The following SLC24A1 variants were observed in gnomAD, a reference collection of about 807,000 sequenced individuals.
SLC24A1 encodes solute carrier family 24 member 1, also known as sodium/potassium/calcium exchanger 1.
Under a neutral mutation model 88.1 loss-of-function variants are expected in SLC24A1, and 52 were observed. The observed-to-expected ratio is 0.59, with a 90% CI of 0.47 to 0.74. The LOEUF (loss-of-function observed/expected upper bound fraction) is 0.74. SLC24A1 is among the 30% of genes least tolerant of loss of function. The probability of loss-of-function intolerance (pLI) is 0.00; values close to 1 mark genes in which losing one functional copy is unlikely to be tolerated. For missense variants in SLC24A1, 1,173 were observed against 1,363.3 expected (o/e 0.86, Z 2.20); for synonymous variants, 455 against 498.0 (o/e 0.91, Z 1.15).
rs1180718022 is a variant in SLC24A1, at chr15:65,656,050, G to A, written c.*1971G>A. 2.0e-6 allele frequency: 2 copies of A among 985,290 alleles called. No individual in the cohort carries two copies. Among genetic ancestry groups the A allele is most frequent in the East Asian group, 1.1e-4 (1 of 8,820 alleles). The allele number at this position is 985,290 out of a possible 1,614,324, so 61.0% of individuals were successfully genotyped here. ...AGAACAGGAGGAGAAGGCAATGCTT[G>A]TGGGAGGGAGGTCCCAATACCAAAA... On this transcript the variant is annotated 3_prime_UTR_variant, in exon 10 of 10. Transcript: ENST00000261892.
Position 65,654,471 on chromosome 15 carries a change from G to A in SLC24A1, c.*392G>A. The A allele has an allele frequency of 1.7e-6, 2 of 1,159,482 alleles. No homozygotes were observed. Among genetic ancestry groups the A allele is most frequent in the Non-Finnish European group, 2.1e-6 (2 of 932,762 alleles). 71.8% of individuals were successfully genotyped at this position (1,159,482 alleles called of 1,614,324 possible). On this transcript the variant is annotated 3_prime_UTR_variant, in exon 10 of 10. Coordinates refer to ENST00000261892, the MANE Select transcript of SLC24A1 (RefSeq NM_004727.3). ...CATTCCAAAGGCTGCTGGCCCAAAA[G>A]ATGCAGATGTGGTCTACATCTCAGC...
At chr15:65,648,126 G>A (rs541272326) in intron 6 of SLC24A1, among the ~76,000 whole-genome samples, 2 of 152,292 alleles carry the variant, frequency 1.3e-5, no homozygotes, top group South Asian at 4.1e-4. Context: ...CAGGTGTGGT[G>A]GCACATGCCT....
upstream of SLC24A1, among the ~76,000 whole-genome samples, chr15:65,617,413 G>C (rs2074182393): frequency 6.6e-6 from 1 of 152,174 alleles, no homozygotes. Flanking sequence ...TTGAGCAGTG[G>C]TTTGTAGTTC....
upstream of SLC24A1, among the ~76,000 whole-genome samples, chr15:65,621,321 G>A (rs916583508): frequency 2.6e-5 from 4 of 152,192 alleles, no homozygotes; most frequent in African/African-American, 4.8e-5. Context: ...GGCTGGAGGC[G>A]CGGGGGGCTC....
chr15:65,620,804 T>C (rs1455605593), upstream of SLC24A1, among the ~76,000 whole-genome samples: 2 of 152,278 alleles, frequency 1.3e-5, no homozygotes, highest in African/African-American at 4.8e-5. Context: ...TTTTACTTTG[T>C]GAATTATATT....
At position 65,646,946 on chromosome 15, in the gene SLC24A1, G is replaced by C. The variant is rs140255738; in HGVS notation, c.2232+1243G>C. On this transcript the variant is annotated intron_variant, in intron 6 of 9. Transcript: ENST00000261892. ...ATTCCCTGGAATCCCAGGGCAGGAA[G>C]TGAAGCTTGATCTCATGAAGAGCTG... is the stretch of plus-strand genomic sequence containing the variant. Among the ~76,000 whole-genome samples the C allele has an allele frequency of 1.9e-4, 29 of 152,330 alleles. No individual in the cohort carries two copies. The East Asian group carries it at 4.6e-3, about 24-fold the overall frequency.
chr15:65,642,344 C>T (rs1328806672), intron 4 of SLC24A1, among the ~76,000 whole-genome samples: 1 of 152,190 alleles, frequency 6.6e-6, no homozygotes, highest in East Asian at 1.9e-4. Context: ...TTATCCTCTC[C>T]AGGGTCCCAT....
At chr15:65,657,453 A>G (rs557600829), downstream of SLC24A1, among the ~76,000 whole-genome samples, 42 of 152,216 alleles carry the variant, frequency 2.8e-4, no homozygotes, top group Admixed American at 2.5e-3. Context: ...CATCCTGGCT[A>G]ACACGGTGAA....
rs529633085 is a variant in SLC24A1, at chr15:65,623,313, A to G, written c.-126-642A>G. On this transcript the variant is annotated intron_variant, in intron 1 of 9. Transcript: ENST00000261892. ...TGAGGCACCAAGGCTCAGCCTGTCC[A>G]GGATGACACAGCTGGTAAGCAGCAG... Among the ~76,000 whole-genome samples, 3 of 152,284 alleles carry G rather than the reference A, an allele frequency of 2.0e-5. No individual in the cohort carries two copies. In the South Asian group the frequency reaches 6.2e-4, roughly 32 times the overall value.
intron 2 of SLC24A1, among the ~76,000 whole-genome samples, chr15:65,627,150 T>C (rs2074547354): frequency 6.6e-6 from 1 of 152,182 alleles, no homozygotes. Context: ...TTAGATAACA[T>C]GTTGTTCTGG....
intron 2 of SLC24A1, among the ~76,000 whole-genome samples, chr15:65,629,961 A>C (rs1392658061): frequency 6.6e-6 from 1 of 152,070 alleles, no homozygotes; most frequent in Admixed American, 6.6e-5. Context: ...TTCATCCTGG[A>C]AGGACTTTTT....
At chr15:65,637,119 A>AT (rs901077236) in intron 2 of SLC24A1, among the ~76,000 whole-genome samples, 1 of 152,090 alleles carries the variant, frequency 6.6e-6, no homozygotes, top group Non-Finnish European at 1.5e-5. Context: ...TTAAAAAAAA[A>AT]GTTCAAATGA....
chr15:65,646,159 G>A (rs1047090775), intron 6 of SLC24A1, among the ~76,000 whole-genome samples: 3 of 152,178 alleles, frequency 2.0e-5, no homozygotes, highest in Admixed American at 2.0e-4. Flanking sequence ...ATACTGCCCC[G>A]TCTTTACAGC....
chr15:65,643,197 T>C (rs2075189566), intron 4 of SLC24A1, among the ~76,000 whole-genome samples: 1 of 152,218 alleles, frequency 6.6e-6, no homozygotes, highest in African/African-American at 2.4e-5. Flanking sequence ...TACAGAGAGC[T>C]TAAGGAATCA....
At position 65,655,000 on chromosome 15, in the gene SLC24A1, AT is replaced by A; in HGVS notation, c.*924del. On this transcript the variant is annotated 3_prime_UTR_variant, in exon 10 of 10. Coordinates refer to ENST00000261892, the MANE Select transcript of SLC24A1 (RefSeq NM_004727.3). Reference sequence around the variant, plus strand: ...GCAGCCTGAAAAATAAAAATTTATAATTTGCCCTTGAATTGGAAGGAATGGA... The same window carrying A: ...GCAGCCTGAAAAATAAAAATTTATAATTGCCCTTGAATTGGAAGGAATGGA... The A allele has an allele frequency of 9.6e-7, 1 of 1,037,302 alleles. No individual in the cohort carries two copies. Among genetic ancestry groups the A allele is most frequent in the Non-Finnish European group, 1.2e-6 (1 of 859,958 alleles). 64.3% of individuals were successfully genotyped at this position (1,037,302 alleles called of 1,614,324 possible). A position where few individuals can be genotyped will look rare whatever the true frequency, so the allele number is the denominator to read the frequency against.
exon 1 of SLC24A1, chr15:65,611,406 T>C (rs1199363372): frequency 3.4e-6 from 2 of 581,182 alleles, no homozygotes; most frequent in Non-Finnish European, 6.2e-6. Flanking sequence ...TCTCTCTGCA[T>C]TGCCCTGAAT....
chr15:65,648,293 T>C (rs118142700), intron 6 of SLC24A1, among the ~76,000 whole-genome samples: 2,878 of 152,174 alleles, frequency 0.019, 35 homozygotes, highest in Non-Finnish European at 0.027. Flanking sequence ...GTGATTTTAA[T>C]GTGCAGCACA....
intron 3 of SLC24A1, 47 bp from the exon 4 acceptor site, chr15:65,639,548 C>T: frequency 2.4e-6 from 3 of 1,258,836 alleles, no homozygotes; most frequent in Middle Eastern, 3.7e-4. Context: ...TGTGGTTCCT[C>T]CCCTGGCTTG....
At chr15:65,642,847 C>A in intron 4 of SLC24A1, 1 of 407,832 alleles carries the variant, frequency 2.5e-6, no homozygotes, top group South Asian at 1.9e-5. Flanking sequence ...TGTCCTGGAG[C>A]CAGGCAGAGC....
Sources: gnomAD v4.1 joint callset for allele counts (sites outside exome capture counted in the v4.1 genomes callset) on GRCh38, gnomAD v4.1.1 for gene constraint, MANE v1.5 for transcripts, NCBI Gene and HGNC (gene_info 2026-07-23, HGNC 2026-07-21) for gene names.